NRXN3: variants seen among roughly 807,000 people sequenced by gnomAD.
NRXN3 encodes neurexin 3, also known as neurexin III.
A neutral mutation model predicts 137.6 loss-of-function variants in NRXN3; 32 were observed. That is an observed-to-expected ratio of 0.23 (90% CI 0.18 to 0.31). The LOEUF is 0.31. Ranked by LOEUF, NRXN3 falls within the 10% of genes least tolerant of loss-of-function variation. The probability of loss-of-function intolerance (pLI) is 1.00; values close to 1 mark genes in which losing one functional copy is unlikely to be tolerated. For missense variants in NRXN3, 1,574 were observed against 2,062.5 expected (o/e 0.76, Z 4.59); for synonymous variants, 798 against 784.5 (o/e 1.02, Z -0.29).
intron 16 of NRXN3, among the ~76,000 whole-genome samples, chr14:79,506,207 G>A (rs1322735738): frequency 6.6e-6 from 1 of 152,150 alleles, no homozygotes; most frequent in Non-Finnish European, 1.5e-5. Context: ...TTCAAGGGGA[G>A]GGGATTTTAC....
At chr14:78,617,142 G>A (rs1039867648) in intron 4 of NRXN3, among the ~76,000 whole-genome samples, 3 of 151,958 alleles carry the variant, frequency 2.0e-5, no homozygotes, top group South Asian at 2.1e-4. Context: ...TTTTTTTCCT[G>A]AAGAATACCA....
chr14:79,127,444 A>G (rs1250018917), intron 15 of NRXN3, among the ~76,000 whole-genome samples: 1 of 152,176 alleles, frequency 6.6e-6, no homozygotes, highest in Non-Finnish European at 1.5e-5. Flanking sequence ...TCCTTTCCCC[A>G]TTGCTTGTTT....
At chr14:78,287,799 T>C (rs543272846) in intron 3 of NRXN3, among the ~76,000 whole-genome samples, 11 of 152,108 alleles carry the variant, frequency 7.2e-5, no homozygotes, top group African/African-American at 2.4e-4. Flanking sequence ...CTAAAACATC[T>C]CCAGTTTTTT....
chr14:79,622,573 T>G (rs890404937), intron 16 of NRXN3, among the ~76,000 whole-genome samples: 2 of 152,018 alleles, frequency 1.3e-5, no homozygotes, highest in African/African-American at 4.8e-5. Flanking sequence ...TTGTCTGTTA[T>G]TATTTAGTTT....
intron 10 of NRXN3, among the ~76,000 whole-genome samples, chr14:78,903,457 T>C (rs968070109): frequency 6.6e-6 from 1 of 152,036 alleles, no homozygotes; most frequent in Non-Finnish European, 1.5e-5. Context: ...TTCATCTTTC[T>C]AGTCCAGCTT....
chr14:79,154,703 G>A (rs1378179307), intron 15 of NRXN3, among the ~76,000 whole-genome samples: 1 of 151,848 alleles, frequency 6.6e-6, no homozygotes, highest in Non-Finnish European at 1.5e-5. Flanking sequence ...ATGAGACTTT[G>A]TGACGATTCA....
At chr14:78,915,345 CA>C (rs35908076) in intron 10 of NRXN3, among the ~76,000 whole-genome samples, 74 of 11,182 alleles carry the variant, frequency 6.6e-3, no homozygotes, top group Middle Eastern at 0.1. Context: ...ACGTGTGAAG[CA>C]AAAAAAAAAA....
intron 4 of NRXN3, among the ~76,000 whole-genome samples, chr14:78,525,707 T>G (rs1323985076): frequency 2.0e-5 from 3 of 152,220 alleles, no homozygotes; most frequent in African/African-American, 7.2e-5. Flanking sequence ...TTTATCAGCT[T>G]ACTCTGTAAT....
chr14:79,836,709 GA>G (rs1271720232), intron 20 of NRXN3, among the ~76,000 whole-genome samples: 1 of 152,142 alleles, frequency 6.6e-6, no homozygotes, highest in Non-Finnish European at 1.5e-5. Flanking sequence ...AGATGGGACA[GA>G]GCTTTCCAGA....
At chr14:78,388,298 A>G (rs1327862101) in intron 4 of NRXN3, among the ~76,000 whole-genome samples, 1 of 152,200 alleles carries the variant, frequency 6.6e-6, no homozygotes, top group Non-Finnish European at 1.5e-5. Flanking sequence ...GTGTATGCGC[A>G]GCTGCAGGAA....
At chr14:79,083,510 C>T (rs777134763) in intron 15 of NRXN3, among the ~76,000 whole-genome samples, 2 of 152,308 alleles carry the variant, frequency 1.3e-5, no homozygotes, top group Admixed American at 6.5e-5. Flanking sequence ...TACTTGAAAC[C>T]GTCAACTGGA....
intron 4 of NRXN3, among the ~76,000 whole-genome samples, chr14:78,327,094 A>T (rs2080199771): frequency 6.6e-6 from 1 of 152,210 alleles, no homozygotes; most frequent in African/African-American, 2.4e-5. Context: ...TTATTAAGTG[A>T]ACTAATGCAT....
intron 15 of NRXN3, among the ~76,000 whole-genome samples, chr14:79,406,316 C>T (rs2095311335): frequency 6.7e-6 from 1 of 149,400 alleles, no homozygotes; most frequent in Non-Finnish European, 1.5e-5. Flanking sequence ...CTCCTCCTCT[C>T]TTTCTTGAGA....
intron 1 of NRXN3, among the ~76,000 whole-genome samples, chr14:78,218,988 T>C (rs1303753299): frequency 6.6e-6 from 1 of 152,192 alleles, no homozygotes. Context: ...TGTCATTACA[T>C]TGCTTTCCCT....
intron 15 of NRXN3, among the ~76,000 whole-genome samples, chr14:79,357,763 C>T (rs1028668786): frequency 6.6e-5 from 10 of 152,154 alleles, no homozygotes; most frequent in African/African-American, 2.4e-4. Context: ...AAGAAATGGC[C>T]GTTTCACCCC....
intron 19 of NRXN3, among the ~76,000 whole-genome samples, chr14:79,756,575 C>T (rs1052834192): frequency 3.3e-5 from 5 of 152,156 alleles, no homozygotes; most frequent in South Asian, 2.1e-4. Flanking sequence ...AACCAGAGAA[C>T]GAAATATTAA....
At chr14:79,386,207 A>C (rs1477030387) in intron 15 of NRXN3, among the ~76,000 whole-genome samples, 1 of 152,190 alleles carries the variant, frequency 6.6e-6, no homozygotes, top group Non-Finnish European at 1.5e-5. Context: ...AGAAAGCCCC[A>C]TCATCTCAGC....
At chr14:79,271,560 T>C (rs1392744944) in intron 15 of NRXN3, among the ~76,000 whole-genome samples, 2 of 143,156 alleles carry the variant, frequency 1.4e-5, no homozygotes, top group Admixed American at 7.0e-5. Context: ...GCCCTTTCCT[T>C]CCCTTTCTCC....
intron 14 of NRXN3, among the ~76,000 whole-genome samples, chr14:78,970,405 T>C (rs187694978): frequency 6.6e-6 from 1 of 152,290 alleles, no homozygotes; most frequent in East Asian, 1.9e-4. Flanking sequence ...TTGCACTTTT[T>C]TTCACATTAA....
Sources: gnomAD v4.1 joint callset for allele counts (sites outside exome capture counted in the v4.1 genomes callset) on GRCh38, gnomAD v4.1.1 for gene constraint, MANE v1.5 for transcripts, NCBI Gene and HGNC (gene_info 2026-07-23, HGNC 2026-07-21) for gene names.